DOCK1: variants seen among roughly 807,000 people sequenced by gnomAD.
The protein encoded by DOCK1 is dedicator of cytokinesis 1, also known as dedicator of cytokinesis protein 1.
In DOCK1, 138 loss-of-function variants were observed where a neutral mutation model predicts 262.7. The ratio of observed to expected loss-of-function variants is 0.53; its 90% confidence interval spans 0.46 to 0.61. The LOEUF is 0.61. DOCK1 is among the 20% of genes least tolerant of loss of function. The pLI, the probability that DOCK1 is intolerant of heterozygous loss-of-function variation, is 0.00. For missense variants in DOCK1, 1,908 were observed against 2,370.7 expected (o/e 0.80, Z 4.05); for synonymous variants, 866 against 867.4 (o/e 1.00, Z 0.03).
chr10:127,369,059 A>G (rs954749918), intron 33 of DOCK1, among the ~76,000 whole-genome samples: 2 of 152,220 alleles, frequency 1.3e-5, no homozygotes, highest in Non-Finnish European at 2.9e-5. Context: ...CAGTATTAGA[A>G]CATGAATAAT....
At chr10:127,257,530 T>A in intron 29 of DOCK1, 101 bp downstream of exon 29, 1 of 1,072,208 alleles carries the variant, frequency 9.3e-7, no homozygotes, top group Non-Finnish European at 1.4e-6. Context: ...TTCAATAAAA[T>A]GCTCTGCAAA....
At chr10:127,300,136 C>G (rs1319490521) in intron 29 of DOCK1, among the ~76,000 whole-genome samples, 1 of 152,190 alleles carries the variant, frequency 6.6e-6, no homozygotes, top group Non-Finnish European at 1.5e-5. Flanking sequence ...CTTTTCCTTT[C>G]TGGGAAGTTC....
Position 127,439,103 on chromosome 10 carries a change from A to G in DOCK1, c.5137A>G (p.Lys1713Glu). The change falls in exon 49 of 52, where the codon AAG becomes GAG. Residue 1713 changes from lysine (K) to glutamate (E), a missense_variant. Around this residue, in one of 9 missense-constraint regions of DOCK1, gnomAD observed 383 missense variants for 420.1 expected, o/e 0.91. Coordinates refer to ENST00000623213, the MANE Select transcript of DOCK1 (RefSeq NM_001290223.2). ...CAAGCTGGACAAGGATGACCTGGAG[A>G]AGGAGAAGAAGGACAAGAAGAAGGA... ...QDKLDKDDLE[K>E]EKKDKKKEKR... The G allele has an allele frequency of 6.3e-7, 1 of 1,575,140 alleles. No individual in the cohort carries two copies. The highest frequency in any genetic ancestry group is 2.3e-5 in the East Asian group (1 of 43,074).
At chr10:127,128,692 C>T (rs928376012) in intron 27 of DOCK1, among the ~76,000 whole-genome samples, 8 of 152,154 alleles carry the variant, frequency 5.3e-5, no homozygotes, top group Non-Finnish European at 1.2e-4. Context: ...CTTCCAGCTT[C>T]ATCCATGTCC....
chr10:127,021,097 C>T (rs949233319), intron 13 of DOCK1, among the ~76,000 whole-genome samples: 3 of 152,250 alleles, frequency 2.0e-5, no homozygotes, highest in Admixed American at 6.5e-5. Flanking sequence ...GGTGAATGCC[C>T]ATTTGTGGGG....
At chr10:127,187,208 C>T (rs529992564) in intron 27 of DOCK1, among the ~76,000 whole-genome samples, 47 of 152,208 alleles carry the variant, frequency 3.1e-4, no homozygotes, top group Non-Finnish European at 5.6e-4. Flanking sequence ...AATATTCCTG[C>T]GTTTGCCTCT....
chr10:127,219,753 C>T (rs1316019838), intron 27 of DOCK1, among the ~76,000 whole-genome samples: 1 of 152,040 alleles, frequency 6.6e-6, no homozygotes, highest in Non-Finnish European at 1.5e-5. Context: ...GAATCCTCTT[C>T]CCAACATACT....
chr10:127,216,365 G>A (rs943537871), intron 27 of DOCK1, among the ~76,000 whole-genome samples: 7 of 151,746 alleles, frequency 4.6e-5, no homozygotes, highest in South Asian at 2.1e-4. Flanking sequence ...ACCTGAAAGC[G>A]CAGGATACAG....
chr10:127,049,204 G>A (rs1181085127), intron 21 of DOCK1, among the ~76,000 whole-genome samples: 11 of 152,190 alleles, frequency 7.2e-5, no homozygotes, highest in African/African-American at 2.4e-5. Context: ...GTACAGTACA[G>A]TACACTTTAG....
chr10:126,934,838 C>A (rs36160547), intron 1 of DOCK1, among the ~76,000 whole-genome samples: 4 of 149,788 alleles, frequency 2.7e-5, no homozygotes, highest in Admixed American at 6.6e-5. Flanking sequence ...AAAACTAGGC[C>A]GGGTGCGGTG....
chr10:126,908,927 T>G (rs1198128180), intron 1 of DOCK1, among the ~76,000 whole-genome samples: 3 of 152,196 alleles, frequency 2.0e-5, no homozygotes, highest in African/African-American at 7.2e-5. Flanking sequence ...GACCATGTGC[T>G]CACTCACTCA....
rs577779420 is a variant in DOCK1 at position 127,341,724 on chromosome 10, G to A, written c.3124-1922G>A. The stretch of plus-strand genomic sequence containing the variant: ...TCCTGTTTCATGAGGATGGCCCCTT[G>A]GACTCTCACCGTGAGCCCGCACACC... On this transcript the variant is annotated intron_variant, in intron 30 of 51. Transcript: ENST00000623213. 3.9e-5 allele frequency among the ~76,000 whole-genome samples: 6 copies of A among 152,202 alleles called. No homozygotes were observed. The South Asian group carries it at 1.2e-3, about 32-fold the overall frequency.
At chr10:127,277,362 G>T (rs2060779834) in intron 29 of DOCK1, among the ~76,000 whole-genome samples, 1 of 152,128 alleles carries the variant, frequency 6.6e-6, no homozygotes, top group Non-Finnish European at 1.5e-5. Flanking sequence ...ATGTGCATTT[G>T]TCAGGTTGCT....
chr10:127,239,673 C>A (rs1485947205), intron 27 of DOCK1, among the ~76,000 whole-genome samples: 1 of 151,818 alleles, frequency 6.6e-6, no homozygotes, highest in Non-Finnish European at 1.5e-5. Context: ...TTTTTAAGAC[C>A]GAGTTACGCT....
intron 29 of DOCK1, 119 bp from the exon 30 acceptor site, chr10:127,338,887 G>C (rs367840532): frequency 1.2e-6 from 1 of 807,152 alleles, no homozygotes; most frequent in Non-Finnish European, 1.9e-6. Context: ...ACAGCTTTGC[G>C]CAAGACTTGG....
At chr10:127,085,191 G>A (rs2047123968) in intron 23 of DOCK1, among the ~76,000 whole-genome samples, 1 of 152,156 alleles carries the variant, frequency 6.6e-6, no homozygotes, top group Non-Finnish European at 1.5e-5. Context: ...ACAACAGTAA[G>A]CAGGCTTTTA....
At chr10:127,208,429 A>G (rs1372828260) in intron 27 of DOCK1, among the ~76,000 whole-genome samples, 3 of 152,228 alleles carry the variant, frequency 2.0e-5, no homozygotes, top group African/African-American at 7.2e-5. Context: ...TACTGGAGCT[A>G]TTATGATGAC....
intron 38 of DOCK1, among the ~76,000 whole-genome samples, chr10:127,393,076 C>G (rs756779504): frequency 1.3e-5 from 2 of 152,202 alleles, no homozygotes; most frequent in Non-Finnish European, 1.5e-5. Flanking sequence ...GCCACGTGCA[C>G]CAGGCTCACG....
intron 37 of DOCK1, among the ~76,000 whole-genome samples, chr10:127,382,673 GTTT>G (rs1255485281): frequency 3.3e-5 from 5 of 152,158 alleles, no homozygotes; most frequent in Admixed American, 6.5e-5. Context: ...GTAGCAAGGT[GTTT>G]TTTGCAAATG....
Sources: allele counts gnomAD v4.1 joint callset (sites outside exome capture counted in the v4.1 genomes callset), GRCh38; gene constraint gnomAD v4.1.1; regional missense constraint gnomAD v4.1.1; transcripts MANE v1.5; gene names NCBI Gene and HGNC (gene_info 2026-07-23, HGNC 2026-07-21).